Variants in SPAG16 observed in about 807,000 individuals in gnomAD.
SPAG16 encodes the protein sperm-associated antigen 16 protein.
SPAG16 carries 86 observed loss-of-function variants against 80.4 expected under a neutral mutation model. The ratio of observed to expected loss-of-function variants is 1.07; its 90% CI spans 0.90 to 1.28. The LOEUF is 1.28. Among genes scored for constraint, SPAG16 ranks in the 50% most tolerant of loss-of-function variants. The probability of loss-of-function intolerance (pLI) is 0.00; values close to 1 mark genes in which losing one functional copy is unlikely to be tolerated. For missense variants in SPAG16, 870 were observed against 765.3 expected, an observed-to-expected ratio of 1.14 and a Z score of -1.61; for synonymous variants, 294 against 265.9, an observed-to-expected ratio of 1.11 and a Z score of -1.03.
rs577001945 is a variant in SPAG16 at position 214,352,489 on chromosome 2, G to A, written c.1721-57651G>A. Among the ~76,000 whole-genome samples the A allele has an allele frequency of 1.1e-4, 16 of 150,670 alleles. No individual in the cohort carries two copies. The East Asian group carries it at 3.1e-3, about 29-fold the overall frequency. On this transcript the variant is annotated intron_variant, in intron 15 of 15. Coordinates refer to ENST00000331683, the MANE Select transcript of SPAG16 (RefSeq NM_024532.5). ...CTTTCTTCAGTCTTGAAATTCCATT[G>A]TGATACTCAGCCTCAGAGCTGTAAC...
rs771166034 is a variant in SPAG16, at chr2:214,312,007, G to A, written c.1721-98133G>A. ...AATGAAATGAGTTAATACTGACAGCGTATATTTGAAAATGAAAAATTGTAA... is the reference window on the plus strand; with the variant it reads ...AATGAAATGAGTTAATACTGACAGCATATATTTGAAAATGAAAAATTGTAA... On this transcript the variant is annotated intron_variant, in intron 15 of 15. Coordinates refer to ENST00000331683, the MANE Select transcript of SPAG16 (RefSeq NM_024532.5). 3.9e-4 allele frequency among the ~76,000 whole-genome samples: 59 copies of A among 152,140 alleles called. 1 individual carries two copies. Among genetic ancestry groups the A allele is most frequent in the Admixed American group, 2.7e-3 (42 of 15,274 alleles).
At chr2:213,439,933 G>T (rs2070841663) in intron 9 of SPAG16, among the ~76,000 whole-genome samples, 1 of 152,100 alleles carries the variant, frequency 6.6e-6, no homozygotes, top group Admixed American at 6.6e-5. Flanking sequence ...CTAATAAAAA[G>T]TATACAATAC....
At chr2:214,110,356 C>G (rs943654864) in intron 14 of SPAG16, among the ~76,000 whole-genome samples, 3 of 146,416 alleles carry the variant, frequency 2.0e-5, no homozygotes, top group African/African-American at 5.0e-5. Context: ...TCTCATTGTT[C>G]AATCCCACCT....
At chr2:213,792,110 T>A (rs894710547) in intron 10 of SPAG16, among the ~76,000 whole-genome samples, 2 of 152,142 alleles carry the variant, frequency 1.3e-5, no homozygotes, top group Non-Finnish European at 2.9e-5. Flanking sequence ...GTGTTACCAA[T>A]TAAAAACAAA....
intron 10 of SPAG16, among the ~76,000 whole-genome samples, chr2:213,859,049 C>T (rs898967916): frequency 8.6e-5 from 13 of 151,030 alleles, no homozygotes; most frequent in East Asian, 3.9e-4. Flanking sequence ...CATGGTGGCA[C>T]GCACCTGTAA....
At chr2:213,764,960 A>G (rs987868842) in intron 10 of SPAG16, among the ~76,000 whole-genome samples, 5 of 152,246 alleles carry the variant, frequency 3.3e-5, no homozygotes, top group Non-Finnish European at 7.3e-5. Context: ...AGCAAGAGTC[A>G]GTGCTCTTCT....
At chr2:214,374,107 G>A (rs1245319272) in intron 15 of SPAG16, among the ~76,000 whole-genome samples, 1 of 152,196 alleles carries the variant, frequency 6.6e-6, no homozygotes, top group African/African-American at 2.4e-5. Flanking sequence ...GTAGGTTGAG[G>A]CCAGCTTGGC....
Position 214,081,523 on chromosome 2 carries a change from G to A in SPAG16, c.1528-26673G>A, listed in dbSNP as rs78033158. ...AGAATGCCATATAAAGACAGAGGCCGAGATTGTAATGCTGCATCTACAAGC... is the reference window on the plus strand; with the variant it reads ...AGAATGCCATATAAAGACAGAGGCCAAGATTGTAATGCTGCATCTACAAGC... On this transcript the variant is annotated intron_variant, in intron 13 of 15. Coordinates refer to ENST00000331683, the MANE Select transcript of SPAG16 (RefSeq NM_024532.5). Among the ~76,000 whole-genome samples, 7 of 152,254 alleles carry A rather than the reference G, an allele frequency of 4.6e-5. No homozygotes were observed. In the East Asian group the frequency reaches 1.3e-3, roughly 29 times the overall value.
chr2:213,936,784 G>C (rs1156421521), intron 12 of SPAG16, among the ~76,000 whole-genome samples: 1 of 152,128 alleles, frequency 6.6e-6, no homozygotes, highest in South Asian at 2.1e-4. Context: ...ACAGAATGAG[G>C]AATGCCTTCT....
chr2:213,706,215 T>C (rs887249624), intron 10 of SPAG16, among the ~76,000 whole-genome samples: 6 of 152,202 alleles, frequency 3.9e-5, no homozygotes, highest in Non-Finnish European at 8.8e-5. Context: ...TGTTAGAGTC[T>C]GCTGAATAGC....
intron 15 of SPAG16, among the ~76,000 whole-genome samples, chr2:214,335,485 G>T (rs149128209): frequency 7.4e-6 from 1 of 135,350 alleles, no homozygotes; most frequent in African/African-American, 2.6e-5. Flanking sequence ...TATATATATA[G>T]ATATATATAT....
Position 213,796,035 on chromosome 2 carries a change from T to A in SPAG16, c.1071-66450T>A, listed in dbSNP as rs547553335. Among the ~76,000 whole-genome samples the A allele has an allele frequency of 3.3e-5, 5 of 152,138 alleles. No homozygotes were observed. The South Asian group carries it at 1.0e-3, about 31-fold the overall frequency. On this transcript the variant is annotated intron_variant, in intron 10 of 15. Coordinates refer to ENST00000331683, the MANE Select transcript of SPAG16 (RefSeq NM_024532.5). ...TTGAAGGAAAAAAGTCACATAATTA[T>A]AAGAATTTTGGAGGATACGATATAT... is the stretch of plus-strand genomic sequence containing the variant.
intron 10 of SPAG16, among the ~76,000 whole-genome samples, chr2:213,742,516 C>CATAA (rs2067601503): frequency 6.6e-6 from 1 of 150,478 alleles, no homozygotes; most frequent in African/African-American, 2.4e-5. Context: ...CAGGTACACT[C>CATAA]TTGATCCCTC....
intron 13 of SPAG16, among the ~76,000 whole-genome samples, chr2:214,047,451 T>C (rs552552742): frequency 1.3e-5 from 2 of 152,232 alleles, no homozygotes; most frequent in South Asian, 4.1e-4. Context: ...GGGAAAAATA[T>C]CTTTTCAATA....
At chr2:213,844,889 A>G (rs1289637357) in intron 10 of SPAG16, among the ~76,000 whole-genome samples, 1 of 152,194 alleles carries the variant, frequency 6.6e-6, no homozygotes, top group Non-Finnish European at 1.5e-5. Context: ...ATTATTTTGC[A>G]TACATAGCAA....
intron 14 of SPAG16, among the ~76,000 whole-genome samples, chr2:214,148,493 G>A (rs1433000473): frequency 6.6e-6 from 1 of 151,988 alleles, no homozygotes; most frequent in African/African-American, 2.4e-5. Flanking sequence ...ACCAAAGCAA[G>A]CCCAACTATG....
At chr2:213,488,600 A>G (rs961235432) in intron 9 of SPAG16, among the ~76,000 whole-genome samples, 1 of 152,154 alleles carries the variant, frequency 6.6e-6, no homozygotes, top group Non-Finnish European at 1.5e-5. Context: ...AGAGAAGACA[A>G]TAGAGCGTGC....
intron 9 of SPAG16, among the ~76,000 whole-genome samples, chr2:213,416,543 C>CTTTTTTT (rs145237875): frequency 7.3e-6 from 1 of 136,168 alleles, no homozygotes. Context: ...CATTACTTGA[C>CTTTTTTT]TTGTTTTTTC....
chr2:214,233,822 T>C lies in SPAG16; in HGVS notation c.1720+84556T>C, dbSNP rs554061042. 3.2e-4 allele frequency among the ~76,000 whole-genome samples: 48 copies of C among 152,284 alleles called. No homozygotes were observed. In the South Asian group the frequency reaches 9.5e-3, roughly 30 times the overall value. On this transcript the variant is annotated intron_variant, in intron 15 of 15. Coordinates refer to ENST00000331683, the MANE Select transcript of SPAG16 (RefSeq NM_024532.5). ...AAAAATTATGAGGTATAATTACCAG[T>C]AAGCACCATCTACTTTTACATATTT...
Sources: gnomAD v4.1 joint callset for allele counts (sites outside exome capture counted in the v4.1 genomes callset) on GRCh38, gnomAD v4.1.1 for gene constraint, MANE v1.5 for transcripts, NCBI Gene and HGNC (gene_info 2026-07-23, HGNC 2026-07-21) for gene names.